The following SOD2 variants were observed in gnomAD, a reference collection of about 807,000 sequenced individuals.
SOD2 encodes the protein superoxide dismutase 2.
SOD2 carries 11 observed loss-of-function variants against 27.0 expected under a neutral mutation model. The ratio of observed to expected loss-of-function variants is 0.41; its 90% CI spans 0.26 to 0.67. SOD2 has a LOEUF of 0.67. SOD2 is among the 30% of genes least tolerant of loss of function. The pLI is 0.34. For missense variants in SOD2, 250 were observed against 274.5 expected (o/e 0.91, Z 0.63); for synonymous variants, 105 against 103.0 (o/e 1.02, Z -0.12).
At chr6:159,690,284 C>CAA (rs11429489) in intron 2 of SOD2, among the ~76,000 whole-genome samples, 771 of 66,888 alleles carry the variant, frequency 0.012, 14 homozygotes, top group African/African-American at 0.037. Context: ...GAGATTCCGT[C>CAA]AAAAAAAAAA....
rs11964206 is a variant in SOD2, at chr6:159,705,238, C to G, written c.-115-12375G>C. ...CCTCTCCATCTCCAAAGGAACACAG[C>G]TCCTCACCAGCAATGGAACAAAGCT... is the stretch of plus-strand genomic sequence containing the variant. On this transcript the variant is annotated intron_variant, in intron 1 of 2. Transcript: ENST00000401980. Among the ~76,000 whole-genome samples the G allele has an allele frequency of 5.3e-3, 801 of 152,368 alleles. 5 individuals are homozygous for G. Among genetic ancestry groups the G allele is most frequent in the African/African-American group, 0.017 (698 of 41,592 alleles).
chr6:159,728,441 T>C (rs993234844), upstream of SOD2, among the ~76,000 whole-genome samples: 13 of 149,334 alleles, frequency 8.7e-5, no homozygotes, highest in African/African-American at 1.7e-4. Flanking sequence ...AAAAAAACTA[T>C]TATTTAGTCT....
chr6:159,706,387 G>T (rs983993752), intron 1 of SOD2, among the ~76,000 whole-genome samples: 1 of 152,250 alleles, frequency 6.6e-6, no homozygotes, highest in African/African-American at 2.4e-5. Context: ...CACATGCAGA[G>T]ACACACATAG....
Position 159,761,479 on chromosome 6 carries a change from T to C in SOD2, c.-778A>G, listed in dbSNP as rs571405940. ...CAGGGGGCTCGCACCGAGACGCTCCTAGCAAGCCCCTCACGCGAGCGAATG... is the reference window on the plus strand; with the variant it reads ...CAGGGGGCTCGCACCGAGACGCTCCCAGCAAGCCCCTCACGCGAGCGAATG... On this transcript the variant is annotated 5_prime_UTR_variant, in exon 1 of 8. Transcript: ENST00000546087. 81 of 453,964 alleles carry C rather than the reference T, an allele frequency of 1.8e-4. 2 individuals are homozygous for C. Among genetic ancestry groups the C allele is most frequent in the South Asian group, 1.2e-3 (79 of 64,384 alleles). 28.1% of individuals were successfully genotyped at this position (453,964 alleles called of 1,614,324 possible). A position where few individuals can be genotyped will look rare whatever the true frequency, so the allele number is the denominator to read the frequency against.
chr6:159,736,362 TA>T (rs988385388), intron 1 of SOD2: 669 of 1,167,978 alleles, frequency 5.7e-4, no homozygotes, highest in Non-Finnish European at 6.5e-4. Flanking sequence ...TTAAGCACTT[TA>T]AAAAAAAATA....
upstream of SOD2, among the ~76,000 whole-genome samples, chr6:159,747,467 ATTC>A (rs573107882): frequency 8.5e-4 from 129 of 152,352 alleles, 2 homozygotes; most frequent in Admixed American, 1.5e-3. Context: ...ATTCGGATCT[ATTC>A]AGAAGGGGAA....
chr6:159,753,440 G>T (rs1353433571), intron 1 of SOD2: 2 of 1,614,012 alleles, frequency 1.2e-6, no homozygotes, highest in Non-Finnish European at 1.7e-6. Context: ...TTTTGTGATG[G>T]ATGGCTCTTT....
intron 1 of SOD2, among the ~76,000 whole-genome samples, chr6:159,721,674 CCTTTTT>C (rs1282250318): frequency 1.2e-4 from 14 of 113,538 alleles, no homozygotes; most frequent in Non-Finnish European, 3.4e-5. Context: ...CTGCGGCTGA[CCTTTTT>C]TTTTTTTTTT....
At chr6:159,684,082 C>A (rs528386911) in intron 4 of SOD2, among the ~76,000 whole-genome samples, 1 of 152,068 alleles carries the variant, frequency 6.6e-6, no homozygotes, top group Non-Finnish European at 1.5e-5. Context: ...CACTTCCAAG[C>A]CGAATATTTT....
chr6:159,686,945 T>C (rs1583010655), intron 3 of SOD2, among the ~76,000 whole-genome samples: 1 of 152,244 alleles, frequency 6.6e-6, no homozygotes, highest in East Asian at 1.9e-4. Context: ...AAGGAAACAG[T>C]GATAGCGAAC....
At chr6:159,743,762 A>G (rs141849541) in intron 1 of SOD2, 20 of 1,612,912 alleles carry the variant, frequency 1.2e-5, no homozygotes, top group Non-Finnish European at 1.6e-5. Flanking sequence ...TGCGACTAGC[A>G]ACCAAGGAAC....
At chr6:159,720,847 CTTTTTTTTTTT>C (rs763455003) in intron 1 of SOD2, among the ~76,000 whole-genome samples, 61 of 59,962 alleles carry the variant, frequency 1.0e-3, no homozygotes, top group Admixed American at 6.3e-3. Flanking sequence ...TTTTCTTTAC[CTTTTTTTTTTT>C]TTTTTTTTTT....
intron 1 of SOD2, chr6:159,736,825 T>TGC: frequency 6.6e-6 from 1 of 152,190 alleles, no homozygotes; most frequent in African/African-American, 2.4e-5. Flanking sequence ...TACTCTTACA[T>TGC]ACACACACAT....
At chr6:159,727,763 T>A, upstream of SOD2, 1 of 974,002 alleles carries the variant, frequency 1.0e-6, no homozygotes, top group Non-Finnish European at 1.2e-6. Flanking sequence ...TGAGGGCTGA[T>A]GCGCAGCCGC....
chr6:159,684,534 T>C (rs1324330607), intron 4 of SOD2, among the ~76,000 whole-genome samples: 2 of 152,130 alleles, frequency 1.3e-5, no homozygotes, highest in Admixed American at 1.3e-4. Context: ...GGAGAATCAC[T>C]TGAACCCAGG....
At chr6:159,694,121 T>C (rs1320296301), upstream of SOD2, among the ~76,000 whole-genome samples, 1 of 152,234 alleles carries the variant, frequency 6.6e-6, no homozygotes, top group African/African-American at 2.4e-5. Context: ...TCATGTTTTG[T>C]GTGTTTACAG....
At chr6:159,717,925 GTGTA>G (rs750452074) in intron 1 of SOD2, among the ~76,000 whole-genome samples, 77 of 143,274 alleles carry the variant, frequency 5.4e-4, no homozygotes, top group African/African-American at 1.8e-3. Flanking sequence ...GTGTGTGTGT[GTGTA>G]TATGTGTATA....
In SOD2 at chr6:159,669,356, A is replaced by G. The variant is rs1016096838; in HGVS notation, c.*13137T>C. 2.4e-4 allele frequency: 36 copies of G among 152,222 alleles called. No individual in the cohort carries two copies. The highest frequency in any genetic ancestry group is 4.1e-4 in the Non-Finnish European group (28 of 68,032). The allele number at this position is 152,222 out of a possible 1,614,324, so 9.4% of individuals were successfully genotyped here. On this transcript the variant is annotated 3_prime_UTR_variant, in exon 5 of 5. Coordinates refer to ENST00000538183, the MANE Select transcript of SOD2 (RefSeq NM_000636.4). Reference sequence around the variant, plus strand: ...GTGTAAAGTGCAATTTAAATCCAATATTTATTGGTTTTATGTCTAGAAAAT... The same window carrying G: ...GTGTAAAGTGCAATTTAAATCCAATGTTTATTGGTTTTATGTCTAGAAAAT...
At position 159,686,456 on chromosome 6, in the gene SOD2, G is replaced by A. The variant is rs185820682; in HGVS notation, c.344-1423C>T. 2.3e-4 allele frequency among the ~76,000 whole-genome samples: 35 copies of A among 152,200 alleles called. No homozygotes were observed. In the East Asian group the frequency reaches 6.6e-3, roughly 29 times the overall value. On this transcript the variant is annotated intron_variant, in intron 3 of 4. Transcript: ENST00000538183. ...GAGGTCAGGAGTTCAAAACCAGCCT[G>A]ACCAACATGGAGAAACTCCTCTCTA... is the stretch of plus-strand genomic sequence containing the variant.
Sources: gnomAD v4.1 joint callset for allele counts (sites outside exome capture counted in the v4.1 genomes callset) on GRCh38, gnomAD v4.1.1 for gene constraint, MANE v1.5 for transcripts, NCBI Gene and HGNC (gene_info 2026-07-23, HGNC 2026-07-21) for gene names.